DLGAP2: variants seen among roughly 807,000 people sequenced by gnomAD.
DLGAP2 encodes DLG associated protein 2, also known as disks large-associated protein 2.
In DLGAP2, 26 loss-of-function variants were observed where a neutral mutation model predicts 100.3. The observed-to-expected ratio is 0.26, with a 90% CI of 0.19 to 0.36. The LOEUF (loss-of-function observed/expected upper bound fraction) is 0.36. DLGAP2 is among the 10% of genes least tolerant of loss of function. DLGAP2 has a pLI of 1.00. For missense variants in DLGAP2, 1,858 were observed against 1,453.2 expected (o/e 1.28, Z -4.53); for synonymous variants, 886 against 630.1 (o/e 1.41, Z -6.08).
intron 3 of DLGAP2, among the ~76,000 whole-genome samples, chr8:1,481,159 G>A (rs531568245): frequency 4.7e-4 from 71 of 151,876 alleles, no homozygotes; most frequent in East Asian, 3.9e-3. Context: ...GTGACAGAGC[G>A]AGACCCCATC....
chr8:1,412,182 G>T (rs1311918342), intron 3 of DLGAP2, among the ~76,000 whole-genome samples: 1 of 152,130 alleles, frequency 6.6e-6, no homozygotes, highest in Non-Finnish European at 1.5e-5. Flanking sequence ...GGCTCCCACT[G>T]CCCTCTGCAG....
intron 3 of DLGAP2, among the ~76,000 whole-genome samples, chr8:1,292,099 T>A (rs1186329104): frequency 6.6e-6 from 1 of 152,200 alleles, no homozygotes; most frequent in East Asian, 1.9e-4. Flanking sequence ...TTGTGGTGTG[T>A]CAGCTAAGCC....
In DLGAP2 at chr8:1,707,506, C is replaced by G. The variant is rs1799738778; in HGVS notation, c.*6100C>G. The G allele has an allele frequency of 6.6e-6, 1 of 152,188 alleles. No homozygotes were observed. The highest frequency in any genetic ancestry group is 2.4e-5 in the African/African-American group (1 of 41,426). 9.4% of individuals were successfully genotyped at this position (152,188 alleles called of 1,614,324 possible). A position where few individuals can be genotyped will look rare whatever the true frequency, so the allele number is the denominator to read the frequency against. ...CAGCACGAATGTTCCCCTCACTCCA[C>G]TTTTTAACTCGTTTGCTGAACTCGA... On this transcript the variant is annotated 3_prime_UTR_variant, in exon 15 of 15. Transcript: ENST00000637795.
intron 2 of DLGAP2, among the ~76,000 whole-genome samples, chr8:975,781 C>G (rs1276865767): frequency 2.0e-5 from 3 of 152,232 alleles, no homozygotes; most frequent in Non-Finnish European, 4.4e-5. Flanking sequence ...ACTCATACTT[C>G]ATGGTGAGAA....
At chr8:1,573,551 A>G (rs1296392825) in intron 6 of DLGAP2, among the ~76,000 whole-genome samples, 2 of 152,194 alleles carry the variant, frequency 1.3e-5, no homozygotes, top group East Asian at 3.9e-4. Context: ...CTTGGGGAGC[A>G]TATTCTTGCT....
At chr8:742,218 T>C (rs1237868937) in intron 1 of DLGAP2, among the ~76,000 whole-genome samples, 2 of 152,226 alleles carry the variant, frequency 1.3e-5, no homozygotes, top group Non-Finnish European at 2.9e-5. Context: ...TACTGTTTCT[T>C]ATATGGTACA....
At chr8:1,678,736 T>G in intron 12 of DLGAP2, 107 bp downstream of exon 12, 1 of 1,223,272 alleles carries the variant, frequency 8.2e-7, no homozygotes, top group Non-Finnish European at 1.1e-6. Context: ...GGTATTCAAG[T>G]GAAGGGAAAT....
intron 2 of DLGAP2, among the ~76,000 whole-genome samples, chr8:1,007,556 C>T (rs1801154745): frequency 6.6e-6 from 1 of 151,296 alleles, no homozygotes; most frequent in Non-Finnish European, 1.5e-5. Flanking sequence ...GCCATGTGGC[C>T]ATAGTCTGGC....
chr8:1,132,205 G>A (rs143155984), intron 2 of DLGAP2, among the ~76,000 whole-genome samples: 1 of 152,266 alleles, frequency 6.6e-6, no homozygotes, highest in East Asian at 1.9e-4. Context: ...GAAATAGAAA[G>A]CCATGTTTTT....
intron 2 of DLGAP2, among the ~76,000 whole-genome samples, chr8:973,455 C>T (rs1170885909): frequency 5.3e-5 from 8 of 151,630 alleles, no homozygotes; most frequent in African/African-American, 1.7e-4. Flanking sequence ...CGGGCAGAGG[C>T]GCTCCTCACA....
chr8:1,324,265 A>T lies in DLGAP2; in HGVS notation c.106+65382A>T, dbSNP rs186720420. 3.9e-5 allele frequency among the ~76,000 whole-genome samples: 6 copies of T among 152,334 alleles called. No individual in the cohort carries two copies. In the East Asian group the frequency reaches 1.2e-3, roughly 29 times the overall value. ...AGAACAGAATGGTGTTTGTAATTCA[A>T]TAACAACAGAGTTTTCATTGAGCTC... On this transcript the variant is annotated intron_variant, in intron 3 of 14. Coordinates refer to ENST00000637795, the MANE Select transcript of DLGAP2 (RefSeq NM_001346810.2).
At chr8:1,177,346 C>T (rs1216422527) in intron 2 of DLGAP2, among the ~76,000 whole-genome samples, 1 of 152,100 alleles carries the variant, frequency 6.6e-6, no homozygotes, top group East Asian at 1.9e-4. Flanking sequence ...ATAAGCCTGG[C>T]TGTTTTATCA....
intron 2 of DLGAP2, among the ~76,000 whole-genome samples, chr8:1,119,198 G>T (rs530065415): frequency 3.0e-4 from 45 of 152,352 alleles, no homozygotes; most frequent in African/African-American, 1.0e-3. Context: ...CGCACTTAAG[G>T]CATGCAATTT....
intron 5 of DLGAP2, among the ~76,000 whole-genome samples, chr8:1,562,291 A>G (rs1180716256): frequency 2.0e-4 from 2 of 9,824 alleles, no homozygotes; most frequent in Non-Finnish European, 1.7e-4. Context: ...GCGCCTCGTT[A>G]CTGGGGGACT....
chr8:784,388 C>T (rs1462950044), intron 1 of DLGAP2, among the ~76,000 whole-genome samples: 1 of 152,130 alleles, frequency 6.6e-6, no homozygotes, highest in Non-Finnish European at 1.5e-5. Flanking sequence ...AGGAAAACGT[C>T]TTTTAAGCTT....
intron 1 of DLGAP2, among the ~76,000 whole-genome samples, chr8:760,124 C>G (rs561476461): frequency 6.6e-6 from 1 of 152,328 alleles, no homozygotes; most frequent in Non-Finnish European, 1.5e-5. Flanking sequence ...GGTTTTCTTT[C>G]TTGTCCTTCC....
At chr8:937,664 C>T (rs1799102158) in intron 2 of DLGAP2, among the ~76,000 whole-genome samples, 1 of 152,154 alleles carries the variant, frequency 6.6e-6, no homozygotes, top group South Asian at 2.1e-4. Context: ...CCTTATCTTG[C>T]CCAACTGCCT....
chr8:741,599 G>A lies in DLGAP2; in HGVS notation c.18+3774G>A, dbSNP rs145826961. ...TGTCAGTTGCCTTAGTTCTGGAAGT[G>A]TCCTGTCTGTATTTATTGGCGGGCC... is the stretch of plus-strand genomic sequence containing the variant. On this transcript the variant is annotated intron_variant, in intron 1 of 14. Transcript: ENST00000637795. Among the ~76,000 whole-genome samples, 357 of 152,298 alleles carry A rather than the reference G, an allele frequency of 2.3e-3. 2 individuals carry two copies. Among genetic ancestry groups the A allele is most frequent in the African/African-American group, 8.3e-3 (346 of 41,566 alleles).
At chr8:805,908 C>T (rs1352775333) in intron 1 of DLGAP2, among the ~76,000 whole-genome samples, 1 of 152,364 alleles carries the variant, frequency 6.6e-6, no homozygotes, top group South Asian at 2.1e-4. Flanking sequence ...ATAGCCAGCA[C>T]CTACAAGCAT....
Sources: allele counts gnomAD v4.1 joint callset (sites outside exome capture counted in the v4.1 genomes callset), GRCh38; gene constraint gnomAD v4.1.1; transcripts MANE v1.5; gene names NCBI Gene and HGNC (gene_info 2026-07-23, HGNC 2026-07-21).